Variants in FBXO15 observed in about 807,000 individuals in gnomAD.
FBXO15 encodes F-box only protein 15.
A neutral mutation model predicts 49.5 loss-of-function variants in FBXO15; 30 were observed. The ratio of observed to expected loss-of-function variants is 0.61; its 90% CI spans 0.45 to 0.82. The LOEUF (loss-of-function observed/expected upper bound fraction) is 0.82, where lower values mean the gene tolerates loss of function less well. FBXO15 is among the 40% of genes least tolerant of loss of function. The probability of loss-of-function intolerance (pLI) is 0.00; values close to 1 mark genes in which losing one functional copy is unlikely to be tolerated. For synonymous variants in FBXO15, 250 were observed against 232.7 expected (o/e 1.07, Z -0.68); for missense variants, 591 against 631.5 (o/e 0.94, Z 0.69).
intron 8 of FBXO15, among the ~76,000 whole-genome samples, chr18:74,114,762 T>A (rs1914158931): frequency 6.6e-6 from 1 of 152,180 alleles, no homozygotes; most frequent in African/African-American, 2.4e-5. Flanking sequence ...ACATTTTTCT[T>A]TGAAAAGAAA....
At position 74,075,916 on chromosome 18, in the gene FBXO15, A is replaced by G. The variant is rs1033355032; in HGVS notation, c.1264-2186T>C. Among the ~76,000 whole-genome samples the G allele has an allele frequency of 2.6e-5, 4 of 152,258 alleles. No individual in the cohort carries two copies. Among genetic ancestry groups the G allele is most frequent in the Non-Finnish European group, 5.9e-5 (4 of 68,014 alleles). On this transcript the variant is annotated intron_variant, in intron 9 of 9. Transcript: ENST00000419743. The surrounding 1 kb of genome is among the most constrained non-coding windows in gnomAD (Gnocchi z 4.1). Reference sequence around the variant, plus strand: ...TCACCAACATGCCTGTGATTCCCAAAAGTTTATCTCCAGGCCGAACTTCTT... The same window carrying G: ...TCACCAACATGCCTGTGATTCCCAAGAGTTTATCTCCAGGCCGAACTTCTT...
At chr18:74,138,286 A>G (rs1978844945) in intron 2 of FBXO15, among the ~76,000 whole-genome samples, 1 of 152,188 alleles carries the variant, frequency 6.6e-6, no homozygotes, top group South Asian at 2.1e-4. Context: ...TGTGGAATAG[A>G]ACACACGCAA....
At chr18:74,122,179 C>G (rs1231439776) in intron 8 of FBXO15, among the ~76,000 whole-genome samples, 1 of 152,218 alleles carries the variant, frequency 6.6e-6, no homozygotes, top group Non-Finnish European at 1.5e-5. Flanking sequence ...AATCCACTCC[C>G]TACACCTTTT....
In FBXO15 at chr18:74,075,347, G is replaced by A. The variant is rs927591703; in HGVS notation, c.1264-1617C>T. ...CATGTGTTTCTCATCTGCTCCTCCC[G>A]GGTGTGGCCCAGTAACCTCCTGCTG... On this transcript the variant is annotated intron_variant, in intron 9 of 9. Coordinates refer to ENST00000419743, the MANE Select transcript of FBXO15 (RefSeq NM_001142958.2). This position sits in a 1 kb window ranked among gnomAD's most constrained non-coding sequence, Gnocchi z 4.1. Among the ~76,000 whole-genome samples the A allele has an allele frequency of 3.3e-5, 5 of 152,158 alleles. No homozygotes were observed. Among genetic ancestry groups the A allele is most frequent in the East Asian group, 3.9e-4 (2 of 5,184 alleles).
chr18:74,107,877 G>A (rs921110290), intron 8 of FBXO15, among the ~76,000 whole-genome samples: 1 of 152,134 alleles, frequency 6.6e-6, no homozygotes, highest in Non-Finnish European at 1.5e-5. Context: ...TAACCTACTA[G>A]GGGAATTATC....
intron 3 of FBXO15, among the ~76,000 whole-genome samples, chr18:74,133,574 T>C (rs1292711790): frequency 1.3e-5 from 2 of 152,206 alleles, no homozygotes; most frequent in Non-Finnish European, 2.9e-5. Context: ...TCTTATTAGA[T>C]CATTGTCATA....
intron 9 of FBXO15, among the ~76,000 whole-genome samples, chr18:74,077,151 C>A (rs1309061378): frequency 1.3e-5 from 2 of 152,180 alleles, no homozygotes; most frequent in African/African-American, 4.8e-5. Context: ...CAGCTTGGTT[C>A]AGCATCGTGC....
chr18:74,079,424 T>G (rs1912393992), intron 9 of FBXO15, among the ~76,000 whole-genome samples: 1 of 152,176 alleles, frequency 6.6e-6, no homozygotes, highest in South Asian at 2.1e-4. Flanking sequence ...AAAGCATCTT[T>G]AAATGAAAAG....
chr18:74,111,511 A>G (rs778471820), intron 8 of FBXO15, among the ~76,000 whole-genome samples: 60 of 152,198 alleles, frequency 3.9e-4, no homozygotes, highest in Non-Finnish European at 5.3e-4. Context: ...AACTTCACAA[A>G]TTTTGTGGGA....
At chr18:74,101,770 A>G (rs938856082) in intron 8 of FBXO15, among the ~76,000 whole-genome samples, 1 of 152,218 alleles carries the variant, frequency 6.6e-6, no homozygotes, top group African/African-American at 2.4e-5. Context: ...AAATAGGCAC[A>G]TAGACCAGTG....
intron 2 of FBXO15, among the ~76,000 whole-genome samples, chr18:74,139,247 C>T (rs1186861846): frequency 6.6e-6 from 1 of 151,046 alleles, no homozygotes; most frequent in Non-Finnish European, 1.5e-5. Context: ...AAATCTGCCT[C>T]CCCGACTAAT....
At chr18:74,121,169 T>G (rs912953878) in intron 8 of FBXO15, among the ~76,000 whole-genome samples, 1 of 152,168 alleles carries the variant, frequency 6.6e-6, no homozygotes, top group Non-Finnish European at 1.5e-5. Context: ...AAAAGGAAAC[T>G]GTAGTTAAAA....
Position 74,073,562 on chromosome 18 carries a change from C to G in FBXO15, c.1432G>C (p.Glu478Gln). 6.2e-7 allele frequency: 1 copy of G among 1,614,198 alleles called. No individual in the cohort carries two copies. The change falls in exon 10 of 10, where the codon GAG becomes CAG. Residue 478 changes from glutamate to glutamine, a missense_variant. Coordinates refer to ENST00000419743, the MANE Select transcript of FBXO15 (RefSeq NM_001142958.2). ...TCGGTCTCTCTGATCCACACCAGCTCCACGTGCACTCTTCCTTCCGCATCA... is the reference window on the plus strand; with the variant it reads ...TCGGTCTCTCTGATCCACACCAGCTGCACGTGCACTCTTCCTTCCGCATCA... The part of the protein sequence containing the change: ...YVDAEGRVHV[E>Q]LVWIRETEEY...
chr18:74,134,982 T>C (rs747702114), intron 3 of FBXO15, among the ~76,000 whole-genome samples: 1 of 152,168 alleles, frequency 6.6e-6, no homozygotes, highest in African/African-American at 2.4e-5. Context: ...GTTTGTCTGA[T>C]CTTTTGATGC....
intron 9 of FBXO15, among the ~76,000 whole-genome samples, chr18:74,078,329 GC>G (rs1190603977): frequency 9.8e-4 from 140 of 142,752 alleles, no homozygotes; most frequent in African/African-American, 2.8e-3. Flanking sequence ...GGGTTTCAAG[GC>G]CCCCCCCCGA....
intron 8 of FBXO15, chr18:74,098,620 G>A (rs1913384473): frequency 6.6e-6 from 1 of 152,172 alleles, no homozygotes; most frequent in African/African-American, 2.4e-5. Context: ...TTGAAGATAT[G>A]TTAAATGACC....
intron 8 of FBXO15, among the ~76,000 whole-genome samples, chr18:74,114,439 A>G (rs147061502): frequency 6.6e-6 from 1 of 152,326 alleles, no homozygotes; most frequent in Non-Finnish European, 1.5e-5. Context: ...ATGCAACTAT[A>G]TCCTGAGTCC....
Position 74,126,036 on chromosome 18 carries a change from C to G in FBXO15, c.851G>C (p.Gly284Ala). The G allele has an allele frequency of 1.9e-6, 3 of 1,613,986 alleles. No homozygotes were observed. The highest frequency in any genetic ancestry group is 2.5e-6 in the Non-Finnish European group (3 of 1,179,964). ...GAAGATCCGAATGAGTCTGTCACAG[C>G]CAATCATGGTAGATATGGTCAAATG... is the stretch of plus-strand genomic sequence containing the variant. ...LSHLTISTMI[G>A]CDRLIRIFCL... is the part of the protein sequence containing the mutation. Residue 284 changes from glycine (G) to alanine (A), a missense_variant, in exon 6 of 10, where the codon GGC (glycine) becomes GCC (alanine). Gly to Ala is a moderately conservative substitution (Grantham distance 60, BLOSUM62 0). Coordinates refer to ENST00000419743, the MANE Select transcript of FBXO15 (RefSeq NM_001142958.2).
rs1354209635 is a variant in FBXO15 at position 74,074,991 on chromosome 18, A to T, written c.1264-1261T>A. Among the ~76,000 whole-genome samples, 4 of 152,182 alleles carry T rather than the reference A, an allele frequency of 2.6e-5. No individual in the cohort carries two copies. Among genetic ancestry groups the T allele is most frequent in the Admixed American group, 6.5e-5 (1 of 15,284 alleles). ...TGCAACACACCTTAGGGCCAGGTCCAGCAAAACCCCAGCCCCAGAGGAGCG... is the reference window on the plus strand; with the variant it reads ...TGCAACACACCTTAGGGCCAGGTCCTGCAAAACCCCAGCCCCAGAGGAGCG... On this transcript the variant is annotated intron_variant, in intron 9 of 9. Transcript: ENST00000419743. This position sits in a 1 kb window ranked among gnomAD's most constrained non-coding sequence, Gnocchi z 4.7.
Sources: allele counts gnomAD v4.1 joint callset (sites outside exome capture counted in the v4.1 genomes callset), GRCh38; gene constraint gnomAD v4.1.1; non-coding constraint Gnocchi (gnomAD v3.1); transcripts MANE v1.5; gene names NCBI Gene and HGNC (gene_info 2026-07-23, HGNC 2026-07-21).